The following GRAMD1B variants were observed in gnomAD, a reference collection of about 807,000 sequenced individuals.
GRAMD1B encodes GRAM domain containing 1B.
In GRAMD1B, 37 loss-of-function variants were observed where a neutral mutation model predicts 99.7. The observed-to-expected ratio is 0.37, with a 90% CI of 0.29 to 0.49. GRAMD1B has a LOEUF of 0.49. Among genes scored for constraint, GRAMD1B ranks in the 20% least tolerant of loss-of-function variants. The probability of loss-of-function intolerance (pLI) is 0.98; values close to 1 mark genes in which losing one functional copy is unlikely to be tolerated. For synonymous variants in GRAMD1B, 427 were observed against 387.6 expected, an observed-to-expected ratio of 1.10 and a Z score of -1.19; for missense variants, 888 against 1,009.2, an observed-to-expected ratio of 0.88 and a Z score of 1.63.
At chr11:123,508,030 G>A (rs1180885552) in intron 2 of GRAMD1B, among the ~76,000 whole-genome samples, 1 of 152,176 alleles carries the variant, frequency 6.6e-6, no homozygotes, top group Non-Finnish European at 1.5e-5. Context: ...CTTTAACATG[G>A]GGGAAACAGT....
At chr11:123,453,990 T>G (rs1215940264) in intron 1 of GRAMD1B, among the ~76,000 whole-genome samples, 1 of 152,244 alleles carries the variant, frequency 6.6e-6, no homozygotes, top group Non-Finnish European at 1.5e-5. Context: ...ATGCCAACAC[T>G]GTTCCTCACC....
At chr11:123,359,352 A>T (rs773417372) in intron 1 of GRAMD1B, among the ~76,000 whole-genome samples, 6 of 53,110 alleles carry the variant, frequency 1.1e-4, no homozygotes, top group Non-Finnish European at 1.8e-4. Context: ...ACCTAGGGAG[A>T]CGAGGAAGAG....
intron 1 of GRAMD1B, among the ~76,000 whole-genome samples, chr11:123,370,681 A>G (rs1048125641): frequency 6.6e-6 from 1 of 152,126 alleles, no homozygotes; most frequent in African/African-American, 2.4e-5. Context: ...CTCTCTGAAG[A>G]GAAGGTGAAG....
chr11:123,551,763 C>T (rs1945640942), intron 2 of GRAMD1B, among the ~76,000 whole-genome samples: 1 of 152,154 alleles, frequency 6.6e-6, no homozygotes, highest in Non-Finnish European at 1.5e-5. Flanking sequence ...CATTCATGGC[C>T]TTCCTTTTTG....
At chr11:123,428,948 T>A (rs747788463), upstream of GRAMD1B, among the ~76,000 whole-genome samples, 1 of 152,110 alleles carries the variant, frequency 6.6e-6, no homozygotes, top group Non-Finnish European at 1.5e-5. Context: ...TCTCAGCACT[T>A]TGGGAGGCCA....
intron 1 of GRAMD1B, among the ~76,000 whole-genome samples, chr11:123,377,185 C>T (rs539077272): frequency 8.5e-5 from 13 of 152,176 alleles, no homozygotes; most frequent in Non-Finnish European, 1.5e-4. Flanking sequence ...AATATTATTG[C>T]ATTTCCTTTA....
At chr11:123,578,865 G>A (rs1005558296) in intron 3 of GRAMD1B, among the ~76,000 whole-genome samples, 2 of 152,202 alleles carry the variant, frequency 1.3e-5, no homozygotes, top group African/African-American at 2.4e-5. Flanking sequence ...AGGATGGCAG[G>A]AGGGCTGCGC....
At chr11:123,570,349 T>C (rs1947923139) in intron 2 of GRAMD1B, among the ~76,000 whole-genome samples, 1 of 151,966 alleles carries the variant, frequency 6.6e-6, no homozygotes, top group Non-Finnish European at 1.5e-5. Context: ...TCAACACCTC[T>C]GAGGAAAGTG....
intron 1 of GRAMD1B, among the ~76,000 whole-genome samples, chr11:123,441,981 C>G (rs1044261305): frequency 2.0e-5 from 3 of 152,102 alleles, no homozygotes; most frequent in Non-Finnish European, 2.9e-5. Flanking sequence ...TTAGTCCATG[C>G]GTTGAGGATA....
intron 1 of GRAMD1B, among the ~76,000 whole-genome samples, chr11:123,470,831 G>T (rs1328283596): frequency 1.3e-5 from 2 of 152,098 alleles, no homozygotes; most frequent in Non-Finnish European, 2.9e-5. Flanking sequence ...AAAACAAGTG[G>T]CCAAGCTAGA....
At chr11:123,598,395 C>T (rs1482136454) in intron 7 of GRAMD1B, 15 of 952,694 alleles carry the variant, frequency 1.6e-5, no homozygotes, top group Non-Finnish European at 2.4e-5. Context: ...TCGCTCTTCT[C>T]CTGTCCTTGC....
At chr11:123,524,912 G>C (rs7104215) in intron 2 of GRAMD1B, among the ~76,000 whole-genome samples, 2,688 of 152,242 alleles carry the variant, frequency 0.018, 98 homozygotes, top group African/African-American at 0.061. Flanking sequence ...GGATCATATA[G>C]CCAGGGAAGT....
rs144661768 is a variant in GRAMD1B at position 123,542,618 on chromosome 11, C to T, written c.453-34749C>T. Among the ~76,000 whole-genome samples, 296 of 152,236 alleles carry T rather than the reference C, an allele frequency of 1.9e-3. 1 individual carries two copies. The highest frequency in any genetic ancestry group is 6.7e-3 in the African/African-American group (277 of 41,556). On this transcript the variant is annotated intron_variant, in intron 2 of 19. Transcript: ENST00000635736. ...GTTTGTGGAATGAGGTCATTCTATG[C>T]GGAGAGAATGATGCCAGCAAGTAGG...
chr11:123,566,968 A>G (rs1784360), intron 2 of GRAMD1B, among the ~76,000 whole-genome samples: 97,533 of 152,002 alleles, frequency 0.64, 31,827 homozygotes, highest in East Asian at 0.91. Flanking sequence ...TTCCGCTCCT[A>G]TAAGGGCAGT....
chr11:123,548,315 T>TACACAC (rs1468638521), intron 2 of GRAMD1B, among the ~76,000 whole-genome samples: 80 of 91,154 alleles, frequency 8.8e-4, no homozygotes, highest in East Asian at 6.8e-3. Flanking sequence ...TATATATATA[T>TACACAC]ATATATATAT....
In GRAMD1B at chr11:123,613,539, C is replaced by T. The variant is rs199604534; in HGVS notation, c.2108C>T (p.Thr703Met). The T allele has an allele frequency of 5.8e-4, 938 of 1,613,598 alleles. No individual in the cohort carries two copies. Among genetic ancestry groups the T allele is most frequent in the Admixed American group, 7.3e-4 (44 of 59,984 alleles). The change falls in exon 16 of 20, where the codon ACG becomes ATG. Residue 703 changes from threonine (T) to methionine (M), a missense_variant. By Grantham distance (81) the Thr-to-Met change is moderately conservative. Around this residue, in one of 5 missense-constraint regions of GRAMD1B, gnomAD observed 232 missense variants for 261.7 expected, o/e 0.89. Transcript: ENST00000635736. The stretch of plus-strand genomic sequence containing the variant: ...AAAGAGAAGGCCAGCAAGACTACAA[C>T]GGTGCGGAGGAGGAAGCGTCCCCAT... ...SPKEKASKTTTVRRRKRPHAH... is the reference protein window; with the variant it reads ...SPKEKASKTTMVRRRKRPHAH...
chr11:123,584,265 T>G, intron 3 of GRAMD1B, 47 bp from the exon 4 acceptor site: 3 of 867,074 alleles, frequency 3.5e-6, no homozygotes, highest in Non-Finnish European at 5.0e-6. Flanking sequence ...CTTCCCCCCA[T>G]TTCTTCCCTG....
intron 1 of GRAMD1B, among the ~76,000 whole-genome samples, chr11:123,479,568 G>C (rs568753827): frequency 6.6e-6 from 1 of 152,162 alleles, no homozygotes; most frequent in African/African-American, 2.4e-5. Context: ...CCTATGTGAA[G>C]CAGGGGTTGG....
At chr11:123,472,749 C>G (rs1333551206) in intron 1 of GRAMD1B, among the ~76,000 whole-genome samples, 4 of 152,152 alleles carry the variant, frequency 2.6e-5, no homozygotes, top group Non-Finnish European at 5.9e-5. Context: ...GCTGGCCACT[C>G]CACCCTAATC....
Sources: gnomAD v4.1 joint callset for allele counts (sites outside exome capture counted in the v4.1 genomes callset) on GRCh38, gnomAD v4.1.1 for gene constraint, gnomAD v4.1.1 regional missense constraint, MANE v1.5 for transcripts, NCBI Gene and HGNC (gene_info 2026-07-23, HGNC 2026-07-21) for gene names.